The following EMILIN2 variants were observed in gnomAD, a reference collection of about 807,000 sequenced individuals.
EMILIN2 encodes the protein EMILIN-2.
A neutral mutation model predicts 87.1 loss-of-function variants in EMILIN2; 71 were observed. That is an observed-to-expected ratio of 0.82 (90% confidence interval 0.67 to 0.99). The LOEUF (loss-of-function observed/expected upper bound fraction) is 0.99. Among genes scored for constraint, EMILIN2 ranks in the 50% least tolerant of loss-of-function variants. The probability of loss-of-function intolerance (pLI) is 0.00; values close to 1 mark genes in which losing one functional copy is unlikely to be tolerated. For synonymous variants in EMILIN2, 581 were observed against 563.4 expected (o/e 1.03, Z -0.44); for missense variants, 1,407 against 1,371.8 (o/e 1.03, Z -0.40).
At chr18:2,846,459 C>G (rs140890021), upstream of EMILIN2, among the ~76,000 whole-genome samples, 1,444 of 152,352 alleles carry the variant, frequency 9.5e-3, 26 homozygotes, top group African/African-American at 0.032. This position sits in a 1 kb window ranked among gnomAD's most constrained non-coding sequence, Gnocchi z 5.3. Flanking sequence ...TGCCGCCCCC[C>G]GCGTGGCCTC....
chr18:2,892,027 G>C lies in EMILIN2; in HGVS notation c.1900G>C (p.Ala634Pro). 6.2e-7 allele frequency: 1 copy of C among 1,614,240 alleles called. No homozygotes were observed. Reference protein sequence around the residue: ...HLQKEMSNCRAGENAGMGRFT... With the variant: ...HLQKEMSNCRPGENAGMGRFT... ...TCAAAAGGAAATGAGCAATTGTAGA[G>C]CAGGTGAAAACGCTGGCATGGGTAG... The change falls in exon 4 of 8, where the codon GCA (alanine) becomes CCA (proline). Residue 634 changes from alanine to proline, a missense_variant. Coordinates refer to ENST00000254528, the MANE Select transcript of EMILIN2 (RefSeq NM_032048.3).
chr18:2,911,856 C>T (rs557250329), intron 7 of EMILIN2, among the ~76,000 whole-genome samples: 1 of 151,536 alleles, frequency 6.6e-6, no homozygotes, highest in Admixed American at 6.6e-5. Flanking sequence ...CGACTCTGAA[C>T]AAAGGTGAAG....
chr18:2,873,046 AT>A (rs199978156), intron 2 of EMILIN2, among the ~76,000 whole-genome samples: 3 of 139,918 alleles, frequency 2.1e-5, no homozygotes, highest in African/African-American at 9.4e-5. Flanking sequence ...AGATTATGTG[AT>A]TTAAAAAAAA....
At chr18:2,909,851 C>T (rs369605050) in intron 7 of EMILIN2, 32 bp downstream of exon 7, 3 of 1,604,614 alleles carry the variant, frequency 1.9e-6, no homozygotes, top group Admixed American at 1.7e-5. Context: ...GTACTGTGTC[C>T]TCCTCCTACC....
chr18:2,882,383 G>A (rs981642505), intron 2 of EMILIN2, among the ~76,000 whole-genome samples: 3 of 151,958 alleles, frequency 2.0e-5, no homozygotes, highest in African/African-American at 7.3e-5. Context: ...CTGAGGGTGA[G>A]ACCCAGGCGT....
At position 2,892,161 on chromosome 18, in the gene EMILIN2, G is replaced by A. The variant is rs778201729; in HGVS notation, c.2034G>A (p.Gln678=). 80 of 1,607,532 alleles carry A rather than the reference G, an allele frequency of 5.0e-5. No individual in the cohort carries two copies. The highest frequency in any genetic ancestry group is 3.3e-4 in the Middle Eastern group (2 of 6,054). The change falls in exon 4 of 8, where the codon CAG becomes CAA. Residue 678 remains glutamine, a synonymous_variant. Coordinates refer to ENST00000254528, the MANE Select transcript of EMILIN2 (RefSeq NM_032048.3). ...TGGAGGAGAGGTGGCAGAGGTTGCA[G>A]AGCCAGGTCATCTCGGAGCTGGATG... ...SQLEERWQRL[Q]SQVISELDAC...
chr18:2,907,117 G>A, intron 5 of EMILIN2, 32 bp downstream of exon 5: 1 of 1,230,972 alleles, frequency 8.1e-7, no homozygotes, highest in Non-Finnish European at 1.0e-6. Flanking sequence ...GGAGGAGCGC[G>A]GGGCTCTCCC....
intron 4 of EMILIN2, among the ~76,000 whole-genome samples, chr18:2,900,485 G>T (rs1568481785): frequency 6.6e-6 from 1 of 152,212 alleles, no homozygotes; most frequent in Non-Finnish European, 1.5e-5. Context: ...ACAGTGCCCA[G>T]CTCAAAAGCA....
chr18:2,847,099 G>C lies in EMILIN2; in HGVS notation c.-90G>C, dbSNP rs1183219278. On this transcript the variant is annotated 5_prime_UTR_variant, in exon 1 of 8. Transcript: ENST00000254528. The surrounding 1 kb of genome is among the most constrained non-coding windows in gnomAD (Gnocchi z 4.5). Reference sequence around the variant, plus strand: ...GCCCGAGCCTCTTGCCTTCGCGGGCGGCGCCCTGGCCGCCGGCAGCCTTGT... The same window carrying C: ...GCCCGAGCCTCTTGCCTTCGCGGGCCGCGCCCTGGCCGCCGGCAGCCTTGT... The C allele has an allele frequency of 9.3e-7, 1 of 1,071,236 alleles. No individual in the cohort carries two copies. Among genetic ancestry groups the C allele is most frequent in the Admixed American group, 5.0e-5 (1 of 20,138 alleles). 66.4% of individuals were successfully genotyped at this position (1,071,236 alleles called of 1,614,324 possible).
chr18:2,893,263 C>T lies in EMILIN2; in HGVS notation c.2359+777C>T, dbSNP rs116391553. Among the ~76,000 whole-genome samples, 390 of 152,272 alleles carry T rather than the reference C, an allele frequency of 2.6e-3. 1 individual carries two copies. The highest frequency in any genetic ancestry group is 8.5e-3 in the African/African-American group (355 of 41,564). Reference sequence around the variant, plus strand: ...CTTGGGGCAGTGGGTGTTGTCCTCTCTTCTACCTAGGGAGTCTCCTACGTA... The same window carrying T: ...CTTGGGGCAGTGGGTGTTGTCCTCTTTTCTACCTAGGGAGTCTCCTACGTA... On this transcript the variant is annotated intron_variant, in intron 4 of 7. Transcript: ENST00000254528.
chr18:2,892,328 T>C lies in EMILIN2; in HGVS notation c.2201T>C (p.Val734Ala), dbSNP rs1211060763. Residue 734 changes from valine to alanine, a missense_variant, in exon 4 of 8, where the codon GTC becomes GCC. Transcript: ENST00000254528. ...QRIKEGLNKHVSSLWNCVRQM... is the reference protein window; with the variant it reads ...QRIKEGLNKHASSLWNCVRQM... Reference sequence around the variant, plus strand: ...ATCAAGGAGGGGCTCAACAAGCATGTCAGCAGCCTGTGGAACTGTGTCAGG... The same window carrying C: ...ATCAAGGAGGGGCTCAACAAGCATGCCAGCAGCCTGTGGAACTGTGTCAGG... 18 of 1,614,060 alleles carry C rather than the reference T, an allele frequency of 1.1e-5. No individual in the cohort carries two copies. The highest frequency in any genetic ancestry group is 2.7e-5 in the African/African-American group (2 of 74,926).
chr18:2,905,866 C>T (rs549173226), intron 4 of EMILIN2, among the ~76,000 whole-genome samples: 71 of 151,604 alleles, frequency 4.7e-4, no homozygotes, highest in African/African-American at 1.6e-3. Context: ...TCAAGTGATC[C>T]GGCCGCGTCG....
chr18:2,858,551 A>ATGTGTGTG (rs1568453987), intron 2 of EMILIN2, among the ~76,000 whole-genome samples: 17 of 48,450 alleles, frequency 3.5e-4, no homozygotes, highest in African/African-American at 2.1e-3. Context: ...ATATATATAT[A>ATGTGTGTG]TATATATATA....
In EMILIN2 at chr18:2,913,102, A is replaced by G. The variant is rs1286988774; in HGVS notation, c.2860A>G (p.Ile954Val). The G allele has an allele frequency of 6.2e-7, 1 of 1,611,990 alleles. No homozygotes were observed. Among genetic ancestry groups the G allele is most frequent in the Non-Finnish European group, 8.5e-7 (1 of 1,179,926 alleles). ...FTAPYDGRYL[I>V]TATLTPERDA... ...GGCTCCTTATGATGGGCGCTACCTG[A>G]TCACGGCCACCCTCACCCCCGAGAG... The change falls in exon 8 of 8, where the codon ATC becomes GTC. Residue 954 changes from isoleucine to valine, a missense_variant. By Grantham distance (29) the Ile-to-Val change is conservative. Transcript: ENST00000254528.
At chr18:2,893,347 G>A (rs1057249135) in intron 4 of EMILIN2, among the ~76,000 whole-genome samples, 1 of 139,648 alleles carries the variant, frequency 7.2e-6, no homozygotes, top group African/African-American at 2.7e-5. Flanking sequence ...CTTAGCTGAT[G>A]GCAGATAGGA....
rs1338182259 is a variant in EMILIN2, at chr18:2,913,226, C to T, written c.2984C>T (p.Pro995Leu). 1 of 1,614,124 alleles carries T rather than the reference C, an allele frequency of 6.2e-7. No homozygotes were observed. The change falls in exon 8 of 8, where the codon CCT (proline) becomes CTT (leucine). Residue 995 changes from proline (P) to leucine (L), a missense_variant. Pro to Leu is a moderately conservative substitution (Grantham distance 98). Coordinates refer to ENST00000254528, the MANE Select transcript of EMILIN2 (RefSeq NM_032048.3). The part of the protein sequence containing the change: ...YRREFLEYHR[P>L]PGALHTCGGP... The stretch of plus-strand genomic sequence containing the variant: ...AGAGAGTTCCTGGAATACCACCGCC[C>T]TCCAGGAGCTTTGCATACCTGCGGG...
intron 4 of EMILIN2, among the ~76,000 whole-genome samples, chr18:2,899,214 T>A (rs1302874355): frequency 6.6e-6 from 1 of 152,080 alleles, no homozygotes; most frequent in African/African-American, 2.4e-5. Flanking sequence ...TCCTGGAAAT[T>A]GAAGGCTACC....
At chr18:2,876,878 G>A (rs915885539) in intron 2 of EMILIN2, among the ~76,000 whole-genome samples, 9 of 152,190 alleles carry the variant, frequency 5.9e-5, no homozygotes, top group Non-Finnish European at 1.2e-4. Context: ...ATATTTGCCC[G>A]AGCATTCTGG....
intron 2 of EMILIN2, among the ~76,000 whole-genome samples, chr18:2,864,192 T>A (rs2076675039): frequency 1.3e-5 from 2 of 152,242 alleles, no homozygotes; most frequent in Non-Finnish European, 2.9e-5. Flanking sequence ...AGTCTGTGTC[T>A]TTTAATTGGA....
Sources: allele counts gnomAD v4.1 joint callset (sites outside exome capture counted in the v4.1 genomes callset), GRCh38; gene constraint gnomAD v4.1.1; non-coding constraint Gnocchi (gnomAD v3.1); transcripts MANE v1.5; gene names NCBI Gene and HGNC (gene_info 2026-07-23, HGNC 2026-07-21).